Variants in KIF5B observed in about 807,000 individuals in gnomAD.
KIF5B encodes the protein kinesin family member 5B.
Under a neutral mutation model 132.8 loss-of-function variants are expected in KIF5B, and 49 were observed. The ratio of observed to expected loss-of-function variants is 0.37; its 90% CI spans 0.29 to 0.47. The LOEUF (loss-of-function observed/expected upper bound fraction) is 0.47, where lower values mean the gene tolerates loss of function less well. KIF5B is among the 20% of genes least tolerant of loss of function. The pLI is 1.00. For missense variants in KIF5B, 780 were observed against 1,144.0 expected (o/e 0.68, Z 4.59); for synonymous variants, 355 against 369.4 (o/e 0.96, Z 0.45).
intron 2 of KIF5B, among the ~76,000 whole-genome samples, chr10:32,047,761 C>T (rs1426084383): frequency 1.3e-5 from 2 of 152,136 alleles, no homozygotes; most frequent in South Asian, 2.1e-4. Context: ...GTGAATGCCA[C>T]AACACAGATT....
In KIF5B at chr10:32,022,919, G is replaced by A; in HGVS notation, c.1843C>T (p.Gln615Ter). 6.2e-7 allele frequency: 1 copy of A among 1,613,306 alleles called. No individual in the cohort carries two copies. The highest frequency in any genetic ancestry group is 8.5e-7 in the Non-Finnish European group (1 of 1,179,514). Residue 615 changes from glutamine (Q) to a stop codon, truncating the protein, a stop_gained, in exon 16 of 26, where the codon CAA becomes TAA. Coordinates refer to ENST00000302418, the MANE Select transcript of KIF5B (RefSeq NM_004521.3). LOFTEE classifies it high-confidence loss of function. ...TCCATTTTTTTGTTGCTCTCAGTTT[G>A]TGTGCTTTCTAACTGCTTGCAACGT... Reference protein sequence around the residue: ...VKRCKQLESTQTESNKKMEEN... With the variant: ...VKRCKQLEST
Position 32,031,199 on chromosome 10 carries a change from T to C in KIF5B, c.1455A>G (p.Lys485=), listed in dbSNP as rs756297322. 20 of 1,613,922 alleles carry C rather than the reference T, an allele frequency of 1.2e-5. No homozygotes were observed. Among genetic ancestry groups the C allele is most frequent in the Non-Finnish European group, 1.6e-5 (19 of 1,179,958 alleles). ...NRLQAENDAS[K]EEVKEVLQAL... is the part of the protein sequence containing the mutation. ...CCTGTAAAACTTCTTTCACTTCTTCTTTAGAGGCATCATTTTCTGCTTGAA... is the reference window on the plus strand; with the variant it reads ...CCTGTAAAACTTCTTTCACTTCTTCCTTAGAGGCATCATTTTCTGCTTGAA... The change falls in exon 14 of 26, where the codon AAA becomes AAG. Residue 485 remains lysine, a synonymous_variant. Coordinates refer to ENST00000302418, the MANE Select transcript of KIF5B (RefSeq NM_004521.3).
rs567946273 is a variant in KIF5B, at chr10:32,036,403, T to C, written c.712-409A>G. Among the ~76,000 whole-genome samples the C allele has an allele frequency of 4.1e-4, 63 of 152,208 alleles. No individual in the cohort carries two copies. In the South Asian group the frequency reaches 0.012, roughly 29 times the overall value. The stretch of plus-strand genomic sequence containing the variant: ...CTGCTTCTTTTAAAAATATATAAAA[T>C]ATCTAAATATCTATGTTGTGGTGTT... On this transcript the variant is annotated intron_variant, in intron 8 of 25. Coordinates refer to ENST00000302418, the MANE Select transcript of KIF5B (RefSeq NM_004521.3).
chr10:32,029,384 T>C (rs1421022950), intron 14 of KIF5B, among the ~76,000 whole-genome samples: 1 of 152,220 alleles, frequency 6.6e-6, no homozygotes, highest in Non-Finnish European at 1.5e-5. Flanking sequence ...GCTTCTGTAT[T>C]TGTAATGCCT....
In KIF5B at chr10:32,018,554, T is replaced by G; in HGVS notation, c.2315A>C (p.Gln772Pro). Residue 772 changes from glutamine (Q) to proline (P), a missense_variant, in exon 21 of 26, where the codon CAA becomes CCA. Around this residue, in one of 9 missense-constraint regions of KIF5B, gnomAD observed 471 missense variants for 569.9 expected, o/e 0.83. Transcript: ENST00000302418. Reference sequence around the variant, plus strand: ...TTGTCTTGCTTGTTCTCGTCTATCTTGCATAACCCTAACAGTAGAAGAACA... The same window carrying G: ...TTGTCTTGCTTGTTCTCGTCTATCTGGCATAACCCTAACAGTAGAAGAACA... ...SRKLHELTVM[Q>P]DRREQARQDL... 6 of 1,612,140 alleles carry G rather than the reference T, an allele frequency of 3.7e-6. No homozygotes were observed. Among genetic ancestry groups the G allele is most frequent in the Non-Finnish European group, 5.1e-6 (6 of 1,178,718 alleles).
chr10:32,045,529 T>C (rs1378002266), intron 2 of KIF5B, among the ~76,000 whole-genome samples: 1 of 152,188 alleles, frequency 6.6e-6, no homozygotes. Context: ...TTCTAGTTAC[T>C]AAGGAGGATT....
intron 25 of KIF5B, among the ~76,000 whole-genome samples, chr10:32,014,325 A>G (rs1156535995): frequency 6.7e-6 from 1 of 148,342 alleles, no homozygotes; most frequent in Non-Finnish European, 1.5e-5. Context: ...TGGGAAGCAG[A>G]GGTTGCGGTG....
Position 32,028,468 on chromosome 10 carries a change from A to T in KIF5B, c.1685T>A (p.Leu562His). The stretch of plus-strand genomic sequence containing the variant: ...TCCCACAGCAATTCCTATTTCTGCA[A>T]GGTCTTTTAGTAAAGATGCCATCAT... ...AEMMASLLKD[L>H]AEIGIAVGNN... Residue 562 changes from leucine to histidine, a missense_variant, in exon 15 of 26, where the codon CTT (leucine) becomes CAT (histidine). Coordinates refer to ENST00000302418, the MANE Select transcript of KIF5B (RefSeq NM_004521.3). The T allele has an allele frequency of 6.2e-7, 1 of 1,613,016 alleles. No homozygotes were observed. Among genetic ancestry groups the T allele is most frequent in the Non-Finnish European group, 8.5e-7 (1 of 1,179,126 alleles).
In KIF5B at chr10:32,056,153, G is replaced by A. The variant is rs1207663667; in HGVS notation, c.-180C>T. 9.1e-6 allele frequency: 6 copies of A among 659,120 alleles called. No homozygotes were observed. The African/African-American group carries it at 9.5e-5, about 10-fold the overall frequency. The allele number at this position is 659,120 out of a possible 1,614,324, so 40.8% of individuals were successfully genotyped here. The stretch of plus-strand genomic sequence containing the variant: ...AGCCGGGACTTGAAGAGCCGGCGCC[G>A]GCAGCCGTTAACCCTAATGCTCACT... On this transcript the variant is annotated 5_prime_UTR_variant, in exon 1 of 26. Coordinates refer to ENST00000302418, the MANE Select transcript of KIF5B (RefSeq NM_004521.3).
intron 20 of KIF5B, among the ~76,000 whole-genome samples, 200 bp downstream of exon 20, chr10:32,019,658 A>G (rs1841231581): frequency 6.6e-6 from 1 of 152,238 alleles, no homozygotes; most frequent in Admixed American, 6.5e-5. Context: ...ACAATGAAAT[A>G]TAAGACCTTG....
At chr10:32,045,753 G>A (rs1379273232) in intron 2 of KIF5B, among the ~76,000 whole-genome samples, 1 of 152,014 alleles carries the variant, frequency 6.6e-6, no homozygotes, top group Non-Finnish European at 1.5e-5. Context: ...TGGTACTTTG[G>A]GCAAATACTA....
intron 17 of KIF5B, among the ~76,000 whole-genome samples, chr10:32,021,490 T>G (rs1841258042): frequency 6.7e-6 from 1 of 150,152 alleles, no homozygotes. Flanking sequence ...TATGTATTCC[T>G]TTATGGTTTG....
At chr10:32,044,447 G>C (rs776395602) in intron 2 of KIF5B, among the ~76,000 whole-genome samples, 1 of 152,156 alleles carries the variant, frequency 6.6e-6, no homozygotes, top group Non-Finnish European at 1.5e-5. Context: ...CAAGGTGGGC[G>C]GATCACCTGA....
chr10:32,019,299 T>TA lies in KIF5B; in HGVS notation c.2306+558dup, dbSNP rs375655531. On this transcript the variant is annotated intron_variant, in intron 20 of 25. Coordinates refer to ENST00000302418, the MANE Select transcript of KIF5B (RefSeq NM_004521.3). Reference sequence around the variant, plus strand: ...CCACTCTGAACTGGTCCTGATGTTCTAACTATCCTAACAATATCAGTTGAT... The same window carrying TA: ...CCACTCTGAACTGGTCCTGATGTTCTAAACTATCCTAACAATATCAGTTGAT... Among the ~76,000 whole-genome samples, 15 of 152,336 alleles carry TA rather than the reference T, an allele frequency of 9.8e-5. No homozygotes were observed. The Middle Eastern group carries it at 0.01, about 104-fold the overall frequency.
rs759170902 is a variant in KIF5B, at chr10:32,021,069, C to G, written c.2157G>C (p.Leu719Phe). 2.5e-6 allele frequency: 4 copies of G among 1,613,676 alleles called. 1 individual carries two copies. In the South Asian group the frequency reaches 3.3e-5, roughly 13 times the overall value. ...TTGCTTTTGCTTCTACTTCATCTCTCAAACTACTGATCTGTTTTTGATGAG... is the reference window on the plus strand; with the variant it reads ...TTGCTTTTGCTTCTACTTCATCTCTGAAACTACTGATCTGTTTTTGATGAG... ...RETHQKQISS[L>F]RDEVEAKAKL... Residue 719 changes from leucine to phenylalanine, a missense_variant, in exon 19 of 26, where the codon TTG (leucine) becomes TTC (phenylalanine). By Grantham distance (22) the Leu-to-Phe change is conservative. Coordinates refer to ENST00000302418, the MANE Select transcript of KIF5B (RefSeq NM_004521.3).
intron 15 of KIF5B, among the ~76,000 whole-genome samples, chr10:32,023,911 A>G (rs1841297591): frequency 6.6e-6 from 1 of 152,018 alleles, no homozygotes; most frequent in Non-Finnish European, 1.5e-5. Context: ...CTTTTAACAC[A>G]GGAGAAAATC....
At position 32,033,165 on chromosome 10, in the gene KIF5B, T is replaced by TAAAGACAAC. The variant is rs1564467236; in HGVS notation, c.1306-392_1306-391insGTTGTCTTT. Among the ~76,000 whole-genome samples the TAAAGACAAC allele has an allele frequency of 1.4e-4, 21 of 152,328 alleles. No homozygotes were observed. In the South Asian group the frequency reaches 4.4e-3, roughly 32 times the overall value. ...AGATATTATTTCCACTCTATTGTGT[T>TAAAGACAAC]TCCCTTAATCTCTCACATCATCTTT... On this transcript the variant is annotated intron_variant, in intron 12 of 25. Transcript: ENST00000302418.
Position 32,009,677 on chromosome 10 carries a change from C to T in KIF5B, c.*1860G>A, listed in dbSNP as rs562937069. Reference sequence around the variant, plus strand: ...AAAAAGAGAAAAAAAAATTCTGCTTCATTTACGAATGTTGCCAAAGGAGGC... The same window carrying T: ...AAAAAGAGAAAAAAAAATTCTGCTTTATTTACGAATGTTGCCAAAGGAGGC... On this transcript the variant is annotated 3_prime_UTR_variant, in exon 26 of 26. Coordinates refer to ENST00000302418, the MANE Select transcript of KIF5B (RefSeq NM_004521.3). 2.2e-4 allele frequency: 33 copies of T among 152,272 alleles called. No homozygotes were observed. The highest frequency in any genetic ancestry group is 7.2e-4 in the African/African-American group (30 of 41,578). The allele number at this position is 152,272 out of a possible 1,614,324, so 9.4% of individuals were successfully genotyped here.
chr10:32,011,076 T>TC lies in KIF5B; in HGVS notation c.*460dup, dbSNP rs1234121691. 1 of 152,062 alleles carries TC rather than the reference T, an allele frequency of 6.6e-6. No homozygotes were observed. The highest frequency in any genetic ancestry group is 6.6e-5 in the Admixed American group (1 of 15,260). 9.4% of individuals were successfully genotyped at this position (152,062 alleles called of 1,614,324 possible). ...ATTTAAAGACATTTAACCTAAATGT[T>TC]CCATTTTCTCTTAAGAAAAAAAAAG... On this transcript the variant is annotated 3_prime_UTR_variant, in exon 26 of 26. Coordinates refer to ENST00000302418, the MANE Select transcript of KIF5B (RefSeq NM_004521.3).
Sources: gnomAD v4.1 joint callset for allele counts (sites outside exome capture counted in the v4.1 genomes callset) on GRCh38, gnomAD v4.1.1 for gene constraint, gnomAD v4.1.1 regional missense constraint, MANE v1.5 for transcripts, NCBI Gene and HGNC (gene_info 2026-07-23, HGNC 2026-07-21) for gene names.